The following GLIS3 variants were observed in gnomAD, a reference collection of about 807,000 sequenced individuals.
The protein encoded by GLIS3 is zinc finger protein GLIS3.
A neutral mutation model predicts 78.6 loss-of-function variants in GLIS3; 53 were observed. The observed-to-expected ratio is 0.67, with a 90% CI of 0.54 to 0.85. The LOEUF is 0.85. GLIS3 is among the 40% of genes least tolerant of loss of function. GLIS3 has a pLI of 0.00. For missense variants in GLIS3, 1,703 were observed against 1,231.1 expected (o/e 1.38, Z -5.74); for synonymous variants, 684 against 509.9 (o/e 1.34, Z -4.60).
rs558451908 is a variant in GLIS3, at chr9:3,900,310, A to G, written c.1984-1475T>C. 3.8e-3 allele frequency among the ~76,000 whole-genome samples: 581 copies of G among 152,268 alleles called. 5 individuals are homozygous for G. The highest frequency in any genetic ancestry group is 0.013 in the African/African-American group (558 of 41,540). ...TGAATTATCAAAAACTTAAAAAAAAACAGTAATGAAGGTACAGTGAGAGAG... is the reference window on the plus strand; with the variant it reads ...TGAATTATCAAAAACTTAAAAAAAAGCAGTAATGAAGGTACAGTGAGAGAG... On this transcript the variant is annotated intron_variant, in intron 6 of 10. Transcript: ENST00000381971.
In GLIS3 at chr9:3,866,416, A is replaced by T. The variant is rs555485759; in HGVS notation, c.2298-10232T>A. ...GTGGCGCTTGCAGTGAGCCGAGATCACGCCACTGCACTCCAGCCTGGGCAA... is the reference window on the plus strand; with the variant it reads ...GTGGCGCTTGCAGTGAGCCGAGATCTCGCCACTGCACTCCAGCCTGGGCAA... On this transcript the variant is annotated intron_variant, in intron 8 of 10. Coordinates refer to ENST00000381971, the MANE Select transcript of GLIS3 (RefSeq NM_001042413.2). Among the ~76,000 whole-genome samples the T allele has an allele frequency of 3.1e-4, 47 of 152,254 alleles. 1 individual carries two copies. The highest frequency in any genetic ancestry group is 1.1e-3 in the African/African-American group (46 of 41,548).
intron 4 of GLIS3, among the ~76,000 whole-genome samples, chr9:4,031,783 G>C (rs1823857257): frequency 6.6e-6 from 1 of 152,170 alleles, no homozygotes; most frequent in South Asian, 2.1e-4. Flanking sequence ...CAATTCAACT[G>C]AGAGGTCAAT....
At chr9:3,974,821 T>C (rs552263939) in intron 4 of GLIS3, among the ~76,000 whole-genome samples, 6 of 152,126 alleles carry the variant, frequency 3.9e-5, no homozygotes, top group African/African-American at 9.7e-5. Context: ...GCTCAGGCAA[T>C]TTCATTGTCT....
chr9:4,377,654 T>C, the GLIS3 span, among the ~76,000 whole-genome samples: 3 of 152,160 alleles, frequency 2.0e-5, no homozygotes, highest in Non-Finnish European at 4.4e-5. Flanking sequence ...TTATGAAATG[T>C]AGGCCATCTA....
At chr9:3,913,260 A>T (rs1022361389) in intron 6 of GLIS3, among the ~76,000 whole-genome samples, 1 of 152,212 alleles carries the variant, frequency 6.6e-6, no homozygotes, top group African/African-American at 2.4e-5. Context: ...GGACAATTTT[A>T]AAAATACCTA....
At chr9:3,957,215 C>T (rs1817177989) in intron 4 of GLIS3, among the ~76,000 whole-genome samples, 1 of 152,186 alleles carries the variant, frequency 6.6e-6, no homozygotes, top group African/African-American at 2.4e-5. Context: ...GGGTGTGGAG[C>T]CCTTTCCCGA....
chr9:4,296,080 G>GA (rs1816477178), intron 1 of GLIS3, among the ~76,000 whole-genome samples: 1 of 151,996 alleles, frequency 6.6e-6, no homozygotes, highest in South Asian at 2.1e-4. Flanking sequence ...AATAATCACA[G>GA]AAACACAGAA....
the GLIS3 span, among the ~76,000 whole-genome samples, chr9:4,417,177 C>T: frequency 6.6e-6 from 1 of 151,956 alleles, no homozygotes; most frequent in Admixed American, 6.6e-5. Flanking sequence ...TGAAGGGTAT[C>T]GATTATTTAT....
intron 6 of GLIS3, among the ~76,000 whole-genome samples, chr9:3,923,448 C>T (rs143100403): frequency 6.6e-6 from 1 of 152,008 alleles, no homozygotes; most frequent in African/African-American, 2.4e-5. Context: ...AATCTGGAAT[C>T]CGGGTAATAA....
chr9:4,450,463 A>G, the GLIS3 span, among the ~76,000 whole-genome samples: 2 of 152,150 alleles, frequency 1.3e-5, no homozygotes, highest in Admixed American at 6.5e-5. Context: ...ACCTAGCAAG[A>G]CAGGCCAACA....
At chr9:4,395,174 T>A in the GLIS3 span, among the ~76,000 whole-genome samples, 10 of 152,212 alleles carry the variant, frequency 6.6e-5, no homozygotes, top group African/African-American at 7.2e-5. Context: ...ATTGGGCCCA[T>A]GAATTTAAGT....
At chr9:4,027,827 C>T (rs1032180762) in intron 4 of GLIS3, among the ~76,000 whole-genome samples, 5 of 152,142 alleles carry the variant, frequency 3.3e-5, no homozygotes, top group South Asian at 2.1e-4. Context: ...ACAGCCCCGG[C>T]GGAACCCTCG....
chr9:4,298,049 A>G (rs1256941927), intron 1 of GLIS3, among the ~76,000 whole-genome samples: 1 of 152,100 alleles, frequency 6.6e-6, no homozygotes, highest in Admixed American at 6.5e-5. Context: ...TGCGCGAGCG[A>G]GCGAGGGAGC....
chr9:4,409,301 G>A, the GLIS3 span, among the ~76,000 whole-genome samples: 6 of 152,184 alleles, frequency 3.9e-5, no homozygotes, highest in African/African-American at 1.4e-4. Context: ...GGTTGACAAA[G>A]TAAACTTTAA....
intron 8 of GLIS3, among the ~76,000 whole-genome samples, chr9:3,868,871 T>C (rs1389118942): frequency 6.7e-6 from 1 of 149,588 alleles, no homozygotes; most frequent in Non-Finnish European, 1.5e-5. Context: ...GTACATAGTC[T>C]TCTTGCCTGT....
intron 2 of GLIS3, among the ~76,000 whole-genome samples, chr9:4,281,108 TA>T (rs1827505295): frequency 6.6e-6 from 1 of 152,160 alleles, no homozygotes; most frequent in Non-Finnish European, 1.5e-5. Flanking sequence ...ACAAATAAAT[TA>T]AAAGAAAAAT....
chr9:4,056,010 G>A (rs1468711523), intron 4 of GLIS3, among the ~76,000 whole-genome samples: 1 of 152,196 alleles, frequency 6.6e-6, no homozygotes, highest in Non-Finnish European at 1.5e-5. Context: ...GTGAAGGACT[G>A]ATAGGATGAT....
the GLIS3 span, among the ~76,000 whole-genome samples, chr9:4,434,252 T>C: frequency 2.6e-5 from 4 of 152,256 alleles, no homozygotes; most frequent in African/African-American, 9.6e-5. Flanking sequence ...TCCAAGCACC[T>C]GCTGTATGCC....
At chr9:3,893,669 G>A (rs1047636553) in intron 7 of GLIS3, among the ~76,000 whole-genome samples, 2 of 152,134 alleles carry the variant, frequency 1.3e-5, no homozygotes, top group East Asian at 1.9e-4. Flanking sequence ...CCAGAGCAAT[G>A]GTTTTCAAAG....
Sources: gnomAD v4.1 joint callset for allele counts (sites outside exome capture counted in the v4.1 genomes callset) on GRCh38, gnomAD v4.1.1 for gene constraint, MANE v1.5 for transcripts, NCBI Gene and HGNC (gene_info 2026-07-23, HGNC 2026-07-21) for gene names.